NKAIN1: variants seen among roughly 807,000 people sequenced by gnomAD.
NKAIN1 encodes the protein sodium/potassium transporting ATPase interacting 1, also known as sodium/potassium-transporting ATPase subunit beta-1-interacting protein 1.
Under a neutral mutation model 31.6 loss-of-function variants are expected in NKAIN1, and 13 were observed. That is an observed-to-expected ratio of 0.41 (90% CI 0.27 to 0.65). The LOEUF (loss-of-function observed/expected upper bound fraction) is 0.65, where lower values mean the gene tolerates loss of function less well. Ranked by LOEUF, NKAIN1 falls within the 30% of genes least tolerant of loss-of-function variation. The probability of loss-of-function intolerance (pLI) is 0.30; values close to 1 mark genes in which losing one functional copy is unlikely to be tolerated. For missense variants in NKAIN1, 193 were observed against 262.2 expected, an observed-to-expected ratio of 0.74 and a Z score of 1.82; for synonymous variants, 104 against 109.0, an observed-to-expected ratio of 0.95 and a Z score of 0.28.
intron 1 of NKAIN1, among the ~76,000 whole-genome samples, chr1:31,205,919 G>C (rs1243874330): frequency 6.7e-6 from 1 of 150,136 alleles, no homozygotes; most frequent in Non-Finnish European, 1.5e-5. Flanking sequence ...CACCGCGCCC[G>C]GCCCAGACAA....
chr1:31,207,789 T>G (rs1645435823), intron 1 of NKAIN1, among the ~76,000 whole-genome samples: 1 of 152,164 alleles, frequency 6.6e-6, no homozygotes, highest in Non-Finnish European at 1.5e-5. Context: ...CTCTGGGGAC[T>G]TGCACTGAGC....
chr1:31,230,226 T>C (rs763876301), intron 1 of NKAIN1, among the ~76,000 whole-genome samples: 5 of 152,126 alleles, frequency 3.3e-5, no homozygotes, highest in Admixed American at 3.3e-4. Context: ...GAGCTCCCAC[T>C]CCACACGTTT....
At chr1:31,192,717 A>C (rs1273306026) in intron 1 of NKAIN1, among the ~76,000 whole-genome samples, 1 of 151,718 alleles carries the variant, frequency 6.6e-6, no homozygotes, top group Non-Finnish European at 1.5e-5. Context: ...TGCCCAGTGG[A>C]TTTTTGTATT....
At chr1:31,214,775 T>G (rs1645497595) in intron 1 of NKAIN1, among the ~76,000 whole-genome samples, 1 of 151,972 alleles carries the variant, frequency 6.6e-6, no homozygotes, top group South Asian at 2.1e-4. Context: ...AAAGGTCCTG[T>G]GGAGGGAGGG....
intron 1 of NKAIN1, among the ~76,000 whole-genome samples, chr1:31,195,263 C>T (rs1645316435): frequency 6.6e-6 from 1 of 151,746 alleles, no homozygotes; most frequent in African/African-American, 2.4e-5. Flanking sequence ...CAATTACAGG[C>T]ACCCGCCACC....
At chr1:31,208,343 A>C (rs200811956) in intron 1 of NKAIN1, among the ~76,000 whole-genome samples, 1 of 151,854 alleles carries the variant, frequency 6.6e-6, no homozygotes, top group African/African-American at 2.4e-5. Context: ...TCTTTCTTCC[A>C]CCCCCCGCTT....
rs370910970 is a variant in NKAIN1 at position 31,206,237 on chromosome 1, A to AAAATAAATAAATAAAT, written c.55-18066_55-18051dup. ...GCAACAAGAGCAAAACTCCATCTCA[A>AAAATAAATAAATAAAT]AAATAAATAAATAAATAAAATAAAA... On this transcript the variant is annotated intron_variant, in intron 1 of 6. Transcript: ENST00000373736. Among the ~76,000 whole-genome samples, 891 of 130,870 alleles carry AAAATAAATAAATAAAT rather than the reference A, an allele frequency of 6.8e-3. 14 individuals carry two copies. Among genetic ancestry groups the AAAATAAATAAATAAAT allele is most frequent in the Non-Finnish European group, 8.4e-3 (516 of 61,112 alleles). 85.9% of individuals were successfully genotyped at this position (130,870 alleles called of 152,430 possible).
intron 4 of NKAIN1, 26 bp downstream of exon 4, chr1:31,183,791 G>T (rs374029233): frequency 6.3e-7 from 1 of 1,598,994 alleles, no homozygotes; most frequent in Non-Finnish European, 8.5e-7. Context: ...GGAAGTGTGT[G>T]TAGGGTGGGG....
intron 2 of NKAIN1, among the ~76,000 whole-genome samples, chr1:31,187,611 A>C (rs570657594): frequency 9.7e-4 from 147 of 152,110 alleles, no homozygotes; most frequent in Admixed American, 3.9e-3. Flanking sequence ...AGGAGCCTTC[A>C]CTGTTGATCT....
intron 1 of NKAIN1, among the ~76,000 whole-genome samples, chr1:31,213,039 TTTG>T (rs760527105): frequency 5.8e-5 from 4 of 69,328 alleles, no homozygotes; most frequent in Non-Finnish European, 1.2e-4. Flanking sequence ...AGCTTTTTCT[TTTG>T]TTTTTTTTTT....
chr1:31,231,454 G>A (rs574676362), intron 1 of NKAIN1, among the ~76,000 whole-genome samples: 8 of 151,202 alleles, frequency 5.3e-5, no homozygotes, highest in African/African-American at 1.2e-4. Flanking sequence ...GATTACAGGC[G>A]TGACCCACAG....
intron 1 of NKAIN1, among the ~76,000 whole-genome samples, chr1:31,196,122 T>C (rs1028477288): frequency 4.6e-5 from 7 of 152,030 alleles, no homozygotes; most frequent in African/African-American, 1.7e-4. Context: ...CTCAGGCCTG[T>C]AATCCCAGCA....
intron 1 of NKAIN1, among the ~76,000 whole-genome samples, chr1:31,203,261 T>A (rs985866326): frequency 6.6e-6 from 1 of 151,868 alleles, no homozygotes; most frequent in Non-Finnish European, 1.5e-5. Context: ...CGAGATTCCA[T>A]CTCAAAAAAA....
intron 1 of NKAIN1, among the ~76,000 whole-genome samples, chr1:31,195,246 G>T (rs1407024436): frequency 3.3e-5 from 5 of 150,700 alleles, no homozygotes; most frequent in African/African-American, 4.9e-5. Context: ...AGCCTTCCCA[G>T]TAGCTGCAAT....
chr1:31,239,718 G>A lies in NKAIN1; in HGVS notation c.-171C>T, dbSNP rs1459545302. 1.3e-5 allele frequency among the ~76,000 whole-genome samples: 2 copies of A among 150,374 alleles called. No homozygotes were observed. Among genetic ancestry groups the A allele is most frequent in the Non-Finnish European group, 3.0e-5 (2 of 67,326 alleles). ...CCGGTCCCCAAGGCTGGGGCCGGCC[G>A]CCCGCGCTCCGAGTCCATGGTCCGT... On this transcript the variant is annotated 5_prime_UTR_variant, in exon 1 of 7. Coordinates refer to ENST00000373736, the MANE Select transcript of NKAIN1 (RefSeq NM_024522.3). The surrounding 1 kb of genome is among the most constrained non-coding windows in gnomAD (Gnocchi z 4.8).
intron 1 of NKAIN1, among the ~76,000 whole-genome samples, chr1:31,208,327 T>A (rs1395437497): frequency 8.2e-6 from 1 of 122,514 alleles, no homozygotes; most frequent in Non-Finnish European, 1.9e-5. Context: ...CTCCTCTGAG[T>A]CCAATTCTTT....
rs185570593 is a variant in NKAIN1, at chr1:31,205,757, G to A, written c.55-17570C>T. On this transcript the variant is annotated intron_variant, in intron 1 of 6. Coordinates refer to ENST00000373736, the MANE Select transcript of NKAIN1 (RefSeq NM_024522.3). The stretch of plus-strand genomic sequence containing the variant: ...CCTGCCTCAACTTCCCAAGTAGCTG[G>A]GATTACAGGTGTGTGCCACCACGCC... 1.5e-3 allele frequency among the ~76,000 whole-genome samples: 221 copies of A among 150,824 alleles called. No individual in the cohort carries two copies. The Middle Eastern group carries it at 0.024, about 16-fold the overall frequency.
chr1:31,181,830 T>G (rs1557647652), intron 6 of NKAIN1, 30 bp downstream of exon 6: 12 of 1,590,396 alleles, frequency 7.5e-6, no homozygotes, highest in Non-Finnish European at 1.0e-5. Context: ...CGCCCAGGCC[T>G]CCCCAAGCCA....
chr1:31,188,005 G>A (rs1231749798), intron 2 of NKAIN1, 45 bp downstream of exon 2: 3 of 1,539,362 alleles, frequency 1.9e-6, no homozygotes, highest in South Asian at 2.4e-5. Context: ...AGTGGGCAGG[G>A]GTGAGGAGAG....
Sources: allele counts gnomAD v4.1 joint callset (sites outside exome capture counted in the v4.1 genomes callset), GRCh38; gene constraint gnomAD v4.1.1; non-coding constraint Gnocchi (gnomAD v3.1); transcripts MANE v1.5; gene names NCBI Gene and HGNC (gene_info 2026-07-23, HGNC 2026-07-21).